Variants in GPI observed in about 807,000 individuals in gnomAD.
GPI encodes the protein D-hexose-6-phosphate anomerase.
GPI carries 56 observed loss-of-function variants against 75.8 expected under a neutral mutation model. That is an observed-to-expected ratio of 0.74 (90% confidence interval 0.60 to 0.92). The LOEUF is 0.92. GPI is among the 40% of genes least tolerant of loss of function. GPI has a pLI of 0.00. For synonymous variants in GPI, 288 were observed against 285.4 expected, an observed-to-expected ratio of 1.01 and a Z score of -0.09; for missense variants, 638 against 741.0, an observed-to-expected ratio of 0.86 and a Z score of 1.61.
At chr19:34,377,287 G>A (rs1282314712) in intron 4 of GPI, among the ~76,000 whole-genome samples, 4 of 84,386 alleles carry the variant, frequency 4.7e-5, no homozygotes, top group African/African-American at 9.1e-5. Context: ...GGGCAACAGA[G>A]CAAGGCTTCA....
In GPI at chr19:34,393,526, G is replaced by T. The variant is rs1400145592; in HGVS notation, c.866-202G>T. 1.4e-6 allele frequency: 1 copy of T among 708,276 alleles called. No homozygotes were observed. The highest frequency in any genetic ancestry group is 2.1e-5 in the Admixed American group (1 of 48,442). The allele number at this position is 708,276 out of a possible 1,614,324, so 43.9% of individuals were successfully genotyped here. A position where few individuals can be genotyped will look rare whatever the true frequency, so the allele number is the denominator to read the frequency against. The stretch of plus-strand genomic sequence containing the variant: ...CTTTGCCCCTCACAACTGCAGTCCT[G>T]TTTCTCTCCTATCCTAGGCAGAGTC... On this transcript the variant is annotated intron_variant, in intron 10 of 17. Transcript: ENST00000356487. The surrounding 1 kb of genome is among the most constrained non-coding windows in gnomAD (Gnocchi z 4.4).
intron 8 of GPI, 83 bp from the exon 9 acceptor site, chr19:34,381,383 C>T (rs2074648748): frequency 5.4e-6 from 5 of 924,698 alleles, no homozygotes; most frequent in Non-Finnish European, 9.0e-6. Context: ...CGGAGCACAG[C>T]TCCCTGCCTC....
intron 12 of GPI, among the ~76,000 whole-genome samples, chr19:34,394,461 G>T (rs192476656): frequency 1.2e-4 from 18 of 152,088 alleles, no homozygotes; most frequent in Admixed American, 9.8e-4. Context: ...GGAAGGATCT[G>T]GTACAGGTAT....
Position 34,377,738 on chromosome 19 carries a change from C to T in GPI, c.490C>T (p.Pro164Ser), listed in dbSNP as rs570908694. The change falls in exon 6 of 18, where the codon CCC (proline) becomes TCC (serine). Residue 164 changes from proline to serine, a missense_variant. By Grantham distance (74) the Pro-to-Ser change is moderately conservative. Transcript: ENST00000356487. ...CTGATGCTATGTCTCCCCGCAGGGA[C>T]CCCTCATGGTGACTGAAGCCCTTAA... ...NIGIGGSDLG[P>S]LMVTEALKPY... The T allele has an allele frequency of 6.2e-7, 1 of 1,613,884 alleles. No homozygotes were observed. The highest frequency in any genetic ancestry group is 2.2e-5 in the East Asian group (1 of 44,872).
chr19:34,367,708 C>T (rs758232142), intron 3 of GPI, among the ~76,000 whole-genome samples: 9 of 152,130 alleles, frequency 5.9e-5, no homozygotes, highest in Non-Finnish European at 1.3e-4. Flanking sequence ...CTGGGCCAGC[C>T]GCCTGGCACC....
Position 34,393,226 on chromosome 19 carries a change from C to T in GPI, c.805-22C>T, listed in dbSNP as rs757173172. 2 of 1,597,812 alleles carry T rather than the reference C, an allele frequency of 1.3e-6. No homozygotes were observed. Among genetic ancestry groups the T allele is most frequent in the South Asian group, 1.1e-5 (1 of 90,752 alleles). ...GCGGGGTGTGCCGGCCCTCCCTCAG[C>T]ACCTTGTCCTGTCTCTCCTAGTGGG... On this transcript the variant is annotated intron_variant, in intron 9 of 17. Coordinates refer to ENST00000356487, the MANE Select transcript of GPI (RefSeq NM_000175.5). The surrounding 1 kb of genome is among the most constrained non-coding windows in gnomAD (Gnocchi z 4.4).
chr19:34,400,152 T>C lies in GPI; in HGVS notation c.*116T>C. ...CCCAGAGCACCCTCTGGTTGTGGGC[T>C]TGGACCACGAGCCCTTAGCAGGGAA... On this transcript the variant is annotated 3_prime_UTR_variant, in exon 18 of 18. Coordinates refer to ENST00000356487, the MANE Select transcript of GPI (RefSeq NM_000175.5). 2 of 1,131,896 alleles carry C rather than the reference T, an allele frequency of 1.8e-6. No homozygotes were observed. Among genetic ancestry groups the C allele is most frequent in the Non-Finnish European group, 2.6e-6 (2 of 757,598 alleles). 70.1% of individuals were successfully genotyped at this position (1,131,896 alleles called of 1,614,324 possible). A position where few individuals can be genotyped will look rare whatever the true frequency, so the allele number is the denominator to read the frequency against.
At chr19:34,394,471 T>G (rs969213855) in intron 12 of GPI, among the ~76,000 whole-genome samples, 1 of 152,236 alleles carries the variant, frequency 6.6e-6, no homozygotes, top group Non-Finnish European at 1.5e-5. Context: ...GGTACAGGTA[T>G]GAGGACCTGG....
chr19:34,372,114 A>G (rs190413962), intron 4 of GPI, among the ~76,000 whole-genome samples: 4 of 151,712 alleles, frequency 2.6e-5, no homozygotes, highest in Admixed American at 6.6e-5. Context: ...TATTTTTAGT[A>G]GAGATGAGGT....
chr19:34,399,614 T>C lies in GPI; in HGVS notation c.1457T>C (p.Met486Thr). 6.2e-7 allele frequency: 1 copy of C among 1,614,166 alleles called. No homozygotes were observed. The highest frequency in any genetic ancestry group is 8.5e-7 in the Non-Finnish European group (1 of 1,180,018). ...SIVFTKLTPF[M>T]LGALVAMYEH... is the part of the protein sequence containing the mutation. Reference sequence around the variant, plus strand: ...GTGTTCACCAAGCTCACACCATTCATGCTTGGAGCCTTGGTCGGTGAGTGA... The same window carrying C: ...GTGTTCACCAAGCTCACACCATTCACGCTTGGAGCCTTGGTCGGTGAGTGA... Residue 486 changes from methionine to threonine, a missense_variant, in exon 16 of 18, where the codon ATG (methionine) becomes ACG (threonine). Transcript: ENST00000356487.
intron 9 of GPI, among the ~76,000 whole-genome samples, chr19:34,385,853 A>C (rs1250728352): frequency 6.6e-6 from 1 of 152,070 alleles, no homozygotes; most frequent in African/African-American, 2.4e-5. Flanking sequence ...TGAAGAGCCA[A>C]CATCAGGCTC....
rs754069213 is a variant in GPI, at chr19:34,378,912, C to A, written c.634-22C>A. 1.3e-5 allele frequency: 21 copies of A among 1,608,834 alleles called. No homozygotes were observed. The South Asian group carries it at 2.1e-4, about 16-fold the overall frequency. ...ACCCACCCCTAAGCTCGGGCGCCCA[C>A]TGCTGTTCTCTTTGGTTGCAGACCT... On this transcript the variant is annotated intron_variant, in intron 6 of 17. Coordinates refer to ENST00000356487, the MANE Select transcript of GPI (RefSeq NM_000175.5).
chr19:34,369,632 G>A (rs540991102), intron 4 of GPI, among the ~76,000 whole-genome samples: 24 of 152,012 alleles, frequency 1.6e-4, no homozygotes, highest in South Asian at 4.2e-4. Context: ...GCTTGAACCC[G>A]TGCGGCAGAG....
At position 34,377,520 on chromosome 19, in the gene GPI, C is replaced by T. The variant is rs11548997; in HGVS notation, c.420C>T (p.Asp140=). The T allele has an allele frequency of 6.2e-7, 1 of 1,612,404 alleles. No individual in the cohort carries two copies. Among genetic ancestry groups the T allele is most frequent in the Non-Finnish European group, 8.5e-7 (1 of 1,179,252 alleles). Residue 140 remains aspartate, a synonymous_variant, in exon 5 of 18, where the codon GAC becomes GAT. Coordinates refer to ENST00000356487, the MANE Select transcript of GPI (RefSeq NM_000175.5). ...TGTGCCAGCGTGTCCGGAGCGGTGA[C>T]TGGAAGGGGTACACAGGCAAGACCA... is the stretch of plus-strand genomic sequence containing the variant. ...KSFCQRVRSG[D]WKGYTGKTIT...
Position 34,377,330 on chromosome 19 carries a change from A to T in GPI, c.403-173A>T, listed in dbSNP as rs1329331083. ...AAAAAAAAAAAAAAAAAAAAAAAAA[A>T]AAAAAAATATATATATATATATATA... On this transcript the variant is annotated intron_variant, in intron 4 of 17. Coordinates refer to ENST00000356487, the MANE Select transcript of GPI (RefSeq NM_000175.5). Among the ~76,000 whole-genome samples the T allele has an allele frequency of 3.2e-3, 258 of 80,922 alleles. 3 individuals are homozygous for T. The highest frequency in any genetic ancestry group is 0.02 in the South Asian group (37 of 1,896). The allele number at this position is 80,922 out of a possible 152,430, so 53.1% of individuals were successfully genotyped here.
At chr19:34,364,941 G>T (rs1209258177), upstream of GPI, 1 of 1,523,102 alleles carries the variant, frequency 6.6e-7, no homozygotes, top group Admixed American at 2.0e-5. Flanking sequence ...CAACACCTGG[G>T]CTCCAGTGAT....
intron 4 of GPI, 146 bp from the exon 5 acceptor site, chr19:34,377,357 A>G (rs1353936682): frequency 7.3e-5 from 24 of 326,994 alleles, no homozygotes; most frequent in Middle Eastern, 2.0e-3. Flanking sequence ...ATATATATAT[A>G]TGGTAAATTA....
At chr19:34,372,617 G>A (rs1173569495) in intron 4 of GPI, among the ~76,000 whole-genome samples, 1 of 152,108 alleles carries the variant, frequency 6.6e-6, no homozygotes, top group Non-Finnish European at 1.5e-5. Context: ...ATTCCAGGTC[G>A]AGCAACAGAG....
chr19:34,387,316 C>T (rs2074751016), intron 9 of GPI, among the ~76,000 whole-genome samples: 1 of 151,584 alleles, frequency 6.6e-6, no homozygotes, highest in Non-Finnish European at 1.5e-5. Flanking sequence ...AGTGAGTCTG[C>T]CGATGCAGGC....
Sources: gnomAD v4.1 joint callset for allele counts (sites outside exome capture counted in the v4.1 genomes callset) on GRCh38, gnomAD v4.1.1 for gene constraint, Gnocchi (gnomAD v3.1) non-coding constraint, MANE v1.5 for transcripts, NCBI Gene and HGNC (gene_info 2026-07-23, HGNC 2026-07-21) for gene names.